The following TNFRSF8 variants were observed in gnomAD, a reference collection of about 807,000 sequenced individuals.
The protein encoded by TNFRSF8 is tumor necrosis factor receptor superfamily member 8.
Under a neutral mutation model 70.8 loss-of-function variants are expected in TNFRSF8, and 26 were observed. The observed-to-expected ratio is 0.37, with a 90% CI of 0.27 to 0.51. TNFRSF8 has a LOEUF of 0.51. Among genes scored for constraint, TNFRSF8 ranks in the 20% least tolerant of loss-of-function variants. The pLI, the probability that TNFRSF8 is intolerant of heterozygous loss-of-function variation, is 0.94. For synonymous variants in TNFRSF8, 356 were observed against 339.2 expected (o/e 1.05, Z -0.54); for missense variants, 720 against 807.9 (o/e 0.89, Z 1.32).
At chr1:12,117,275 G>A (rs1315264082) in intron 8 of TNFRSF8, among the ~76,000 whole-genome samples, 1 of 152,056 alleles carries the variant, frequency 6.6e-6, no homozygotes, top group Non-Finnish European at 1.5e-5. Flanking sequence ...TAGAGACGGG[G>A]TTTTGCCATG....
At position 12,143,694 on chromosome 1, in the gene TNFRSF8, C is replaced by T. The variant is rs912947924; in HGVS notation, c.*1163C>T. ...AGGAGTAGTGGCCCTGACTTCCGGT[C>T]GGCTGGCCAGCTGACTCCCTAGGGC... On this transcript the variant is annotated 3_prime_UTR_variant, in exon 15 of 15. Transcript: ENST00000263932. The surrounding 1 kb of genome is among the most constrained non-coding windows in gnomAD (Gnocchi z 4.1). 6.6e-6 allele frequency: 1 copy of T among 152,092 alleles called. No individual in the cohort carries two copies. Among genetic ancestry groups the T allele is most frequent in the Non-Finnish European group, 1.5e-5 (1 of 68,028 alleles). 9.4% of individuals were successfully genotyped at this position (152,092 alleles called of 1,614,324 possible).
Position 12,142,213 on chromosome 1 carries a change from C to G in TNFRSF8, c.1544-74C>G. 6.7e-7 allele frequency: 1 copy of G among 1,482,188 alleles called. No individual in the cohort carries two copies. The highest frequency in any genetic ancestry group is 9.0e-7 in the Non-Finnish European group (1 of 1,110,814). 91.8% of individuals were successfully genotyped at this position (1,482,188 alleles called of 1,614,324 possible). A position where few individuals can be genotyped will look rare whatever the true frequency, so the allele number is the denominator to read the frequency against. Reference sequence around the variant, plus strand: ...AGGTGTACCAGCACTGGGCCTCGGCCCTTCTCTGCCTCTTTGCTCCCATCC... The same window carrying G: ...AGGTGTACCAGCACTGGGCCTCGGCGCTTCTCTGCCTCTTTGCTCCCATCC... On this transcript the variant is annotated intron_variant, in intron 14 of 14. Transcript: ENST00000263932. This position sits in a 1 kb window ranked among gnomAD's most constrained non-coding sequence, Gnocchi z 5.0.
rs141205943 is a variant in TNFRSF8 at position 12,104,387 on chromosome 1, G to A, written c.277G>A (p.Val93Met). The stretch of plus-strand genomic sequence containing the variant: ...CTGTCTGTGTCCCTTAGACGACCTC[G>A]TGGAGAAGACGCCGTGTGCATGGAA... ...ACVTCSRDDL[V>M]EKTPCAWNSS... Residue 93 changes from valine (V) to methionine (M), a missense_variant, in exon 4 of 15, where the codon GTG (valine) becomes ATG (methionine). By Grantham distance (21) the Val-to-Met change is conservative. Coordinates refer to ENST00000263932, the MANE Select transcript of TNFRSF8 (RefSeq NM_001243.5). 4.0e-5 allele frequency: 65 copies of A among 1,614,020 alleles called. No homozygotes were observed. Among genetic ancestry groups the A allele is most frequent in the African/African-American group, 1.6e-4 (12 of 74,986 alleles).
At chr1:12,136,502 A>G (rs988155514) in intron 13 of TNFRSF8, among the ~76,000 whole-genome samples, 2 of 152,078 alleles carry the variant, frequency 1.3e-5, no homozygotes, top group African/African-American at 4.8e-5. Context: ...TACAAAAAGT[A>G]TCCAGGTGTA....
At chr1:12,136,128 C>T (rs1642140656) in intron 13 of TNFRSF8, among the ~76,000 whole-genome samples, 1 of 150,936 alleles carries the variant, frequency 6.6e-6, no homozygotes, top group South Asian at 2.1e-4. Flanking sequence ...TTCAAGCATT[C>T]ATACATTAAG....
intron 2 of TNFRSF8, among the ~76,000 whole-genome samples, chr1:12,094,881 C>G (rs566475459): frequency 6.6e-6 from 1 of 152,030 alleles, no homozygotes; most frequent in African/African-American, 2.4e-5. Flanking sequence ...GCGCCTCGGC[C>G]TCCGAAAGTG....
rs1553159546 is a variant in TNFRSF8, at chr1:12,137,559, T to TTG, written c.1336-669_1336-668insGT. Among the ~76,000 whole-genome samples, 222 of 123,026 alleles carry TTG rather than the reference T, an allele frequency of 1.8e-3. 1 individual carries two copies. The highest frequency in any genetic ancestry group is 5.7e-3 in the African/African-American group (184 of 32,032). 80.7% of individuals were successfully genotyped at this position (123,026 alleles called of 152,430 possible). A position where few individuals can be genotyped will look rare whatever the true frequency, so the allele number is the denominator to read the frequency against. ...ATAGCTGTTTTTTTGTTTTTTTTTG[T>TTG]TTTTTTTTTGTTTTTTTTTTAGCAT... On this transcript the variant is annotated intron_variant, in intron 13 of 14. Transcript: ENST00000263932.
In TNFRSF8 at chr1:12,109,777, G is replaced by A. The variant is rs1641595294; in HGVS notation, c.512+121G>A. 1.1e-6 allele frequency: 1 copy of A among 923,652 alleles called. No homozygotes were observed. The highest frequency in any genetic ancestry group is 1.6e-5 in the African/African-American group (1 of 61,136). 57.2% of individuals were successfully genotyped at this position (923,652 alleles called of 1,614,324 possible). ...GGGTGTAAGCGGGATTCAGCCCATG[G>A]TGTCAGCACTTTGGGGTGCCTCTCT... On this transcript the variant is annotated intron_variant, in intron 5 of 14. Coordinates refer to ENST00000263932, the MANE Select transcript of TNFRSF8 (RefSeq NM_001243.5). The surrounding 1 kb of genome is among the most constrained non-coding windows in gnomAD (Gnocchi z 4.4).
In TNFRSF8 at chr1:12,084,571, G is replaced by T; in HGVS notation, c.151+20G>T. 1.2e-6 allele frequency: 2 copies of T among 1,609,642 alleles called. No individual in the cohort carries two copies. Among genetic ancestry groups the T allele is most frequent in the Non-Finnish European group, 1.7e-6 (2 of 1,176,342 alleles). On this transcript the variant is annotated intron_variant, in intron 2 of 14. Coordinates refer to ENST00000263932, the MANE Select transcript of TNFRSF8 (RefSeq NM_001243.5). ...CCATGGGTGAGTGGGGGCGTTGGGG[G>T]TGGGGAGAAGGGGGGAAATTTGTCC...
chr1:12,114,465 A>G (rs915295982), intron 7 of TNFRSF8, among the ~76,000 whole-genome samples: 5 of 152,110 alleles, frequency 3.3e-5, no homozygotes, highest in Admixed American at 2.6e-4. Flanking sequence ...TTGTAAGAAG[A>G]GACTGTCCAG....
At chr1:12,093,058 G>A (rs755110955) in intron 2 of TNFRSF8, among the ~76,000 whole-genome samples, 5 of 152,022 alleles carry the variant, frequency 3.3e-5, no homozygotes, top group East Asian at 3.9e-4. Context: ...TGCCCGCCTC[G>A]GCCTCCCAAA....
chr1:12,086,581 A>G (rs746789308), intron 2 of TNFRSF8, among the ~76,000 whole-genome samples: 1 of 150,178 alleles, frequency 6.7e-6, no homozygotes, highest in African/African-American at 2.5e-5. Flanking sequence ...TCTAGCCACT[A>G]TCCATCCATC....
intron 2 of TNFRSF8, among the ~76,000 whole-genome samples, chr1:12,084,891 A>G (rs1641126402): frequency 6.6e-6 from 1 of 152,054 alleles, no homozygotes; most frequent in Non-Finnish European, 1.5e-5. Flanking sequence ...ATGATCCTTT[A>G]TTACACTCAA....
At chr1:12,084,409 G>A in intron 1 of TNFRSF8, 55 bp from the exon 2 acceptor site, 1 of 1,502,960 alleles carries the variant, frequency 6.7e-7, no homozygotes, top group Non-Finnish European at 9.3e-7. Context: ...TGGGGACAGA[G>A]GGAGTATGGA....
At chr1:12,106,574 A>G (rs1370329748) in intron 4 of TNFRSF8, among the ~76,000 whole-genome samples, 1 of 152,100 alleles carries the variant, frequency 6.6e-6, no homozygotes, top group Non-Finnish European at 1.5e-5. Context: ...TAGGCATGGC[A>G]CCTGCTCCCC....
At chr1:12,137,973 A>G (rs968601833) in intron 13 of TNFRSF8, among the ~76,000 whole-genome samples, 2 of 152,096 alleles carry the variant, frequency 1.3e-5, no homozygotes, top group African/African-American at 4.8e-5. Flanking sequence ...TATGTCAAGG[A>G]CTTTAGGACA....
Position 12,109,460 on chromosome 1 carries a change from T to C in TNFRSF8, c.422-106T>C. ...CCACCTCCAGATGACTGCTGTGTTTTCCAAGGGCCCCATCTCCGACTCTGG... is the reference window on the plus strand; with the variant it reads ...CCACCTCCAGATGACTGCTGTGTTTCCCAAGGGCCCCATCTCCGACTCTGG... On this transcript the variant is annotated intron_variant, in intron 4 of 14. Coordinates refer to ENST00000263932, the MANE Select transcript of TNFRSF8 (RefSeq NM_001243.5). This position sits in a 1 kb window ranked among gnomAD's most constrained non-coding sequence, Gnocchi z 4.4. 1 of 887,778 alleles carries C rather than the reference T, an allele frequency of 1.1e-6. No homozygotes were observed. The highest frequency in any genetic ancestry group is 1.7e-6 in the Non-Finnish European group (1 of 575,258). The allele number at this position is 887,778 out of a possible 1,614,324, so 55.0% of individuals were successfully genotyped here. A position where few individuals can be genotyped will look rare whatever the true frequency, so the allele number is the denominator to read the frequency against.
chr1:12,084,384 G>A, intron 1 of TNFRSF8, 80 bp from the exon 2 acceptor site: 1 of 1,299,306 alleles, frequency 7.7e-7, no homozygotes, highest in Non-Finnish European at 1.1e-6. Context: ...TCCGTCTCAG[G>A]CCTCCTGGGA....
chr1:12,139,495 T>C (rs1642215738), intron 14 of TNFRSF8, among the ~76,000 whole-genome samples: 1 of 152,178 alleles, frequency 6.6e-6, no homozygotes, highest in Non-Finnish European at 1.5e-5. Context: ...CTATGCTCCC[T>C]AAGAACCCAG....
Sources: gnomAD v4.1 joint callset for allele counts (sites outside exome capture counted in the v4.1 genomes callset) on GRCh38, gnomAD v4.1.1 for gene constraint, Gnocchi (gnomAD v3.1) non-coding constraint, MANE v1.5 for transcripts, NCBI Gene and HGNC (gene_info 2026-07-23, HGNC 2026-07-21) for gene names.